Variants in SYNE1 observed in about 807,000 individuals in gnomAD.
SYNE1 encodes spectrin repeat containing nuclear envelope protein 1, also known as nesprin-1.
SYNE1 carries 616 observed loss-of-function variants against 1,111.0 expected under a neutral mutation model. That is an observed-to-expected ratio of 0.55 (90% CI 0.52 to 0.59). The LOEUF (loss-of-function observed/expected upper bound fraction) is 0.59. Among genes scored for constraint, SYNE1 ranks in the 20% least tolerant of loss-of-function variants. SYNE1 has a pLI of 0.00. For synonymous variants in SYNE1, 3,855 were observed against 3,825.8 expected, an observed-to-expected ratio of 1.01 and a Z score of -0.28; for missense variants, 10,006 against 10,417.0, an observed-to-expected ratio of 0.96 and a Z score of 1.72.
chr6:152,158,961 T>C (rs2061887604), intron 131 of SYNE1, among the ~76,000 whole-genome samples: 1 of 152,244 alleles, frequency 6.6e-6, no homozygotes, highest in Non-Finnish European at 1.5e-5. Context: ...CAACTTTTTT[T>C]CTTTTTTTTG....
At position 152,243,270 on chromosome 6, in the gene SYNE1, A is replaced by T. The variant is rs2086228933; in HGVS notation, c.19693-830T>A. On this transcript the variant is annotated intron_variant, in intron 106 of 145. Transcript: ENST00000367255. Reference sequence around the variant, plus strand: ...TATCCTTAACATTTTCCTGCTAAATAACAATCATATTTGGGACTACCCCTC... The same window carrying T: ...TATCCTTAACATTTTCCTGCTAAATTACAATCATATTTGGGACTACCCCTC... Among the ~76,000 whole-genome samples, 2 of 152,242 alleles carry T rather than the reference A, an allele frequency of 1.3e-5. 1 individual carries two copies. The highest frequency in any genetic ancestry group is 4.1e-4 in the South Asian group (2 of 4,834).
At position 152,301,869 on chromosome 6, in the gene SYNE1, C is replaced by G; in HGVS notation, c.17541G>C (p.Met5847Ile). Reference sequence around the variant, plus strand: ...CCGCGGGGACCCACTGGATCCTTACCATGACCACAGAGGGGTGGGCCGAAG... The same window carrying G: ...CCGCGGGGACCCACTGGATCCTTACGATGACCACAGAGGGGTGGGCCGAAG... The part of the protein sequence containing the change: ...PTPSAHPSVV[M>I]MTAGRCHTLL... The change falls in exon 92 of 146, where the codon ATG (methionine) becomes ATC (isoleucine). Residue 5847 changes from methionine to isoleucine, a missense_variant and splice_region_variant. This residue lies in a region of SYNE1 where 4,955 missense variants were observed against 5,017.2 expected (regional missense o/e 0.99). Coordinates refer to ENST00000367255, the MANE Select transcript of SYNE1 (RefSeq NM_182961.4). 1 of 1,610,512 alleles carries G rather than the reference C, an allele frequency of 6.2e-7. No homozygotes were observed. The highest frequency in any genetic ancestry group is 8.5e-7 in the Non-Finnish European group (1 of 1,177,370).
chr6:152,311,426 T>G (rs193191248), intron 87 of SYNE1, among the ~76,000 whole-genome samples: 1 of 152,316 alleles, frequency 6.6e-6, no homozygotes, highest in East Asian at 1.9e-4. Context: ...AAAACATCCC[T>G]GATCATTCAG....
chr6:152,437,691 C>T (rs1227408852), intron 32 of SYNE1, among the ~76,000 whole-genome samples: 1 of 152,022 alleles, frequency 6.6e-6, no homozygotes, highest in Non-Finnish European at 1.5e-5. Context: ...CAGTAATAAC[C>T]TAAGTGAAGA....
chr6:152,613,166 A>G (rs554710048), intron 3 of SYNE1, among the ~76,000 whole-genome samples: 5 of 152,348 alleles, frequency 3.3e-5, no homozygotes, highest in Non-Finnish European at 7.3e-5. Context: ...CTGAAGAGAA[A>G]GAAACAAAGG....
intron 32 of SYNE1, among the ~76,000 whole-genome samples, chr6:152,437,411 T>C (rs954608444): frequency 1.3e-5 from 2 of 152,192 alleles, no homozygotes; most frequent in Non-Finnish European, 2.9e-5. Context: ...AGGTTACTGT[T>C]AGCATTCTAT....
At chr6:152,394,648 C>T (rs987879553) in intron 51 of SYNE1, among the ~76,000 whole-genome samples, 5 of 151,586 alleles carry the variant, frequency 3.3e-5, no homozygotes, top group African/African-American at 1.2e-4. Context: ...ACAGGGACCA[C>T]AAAGAAAGTC....
intron 22 of SYNE1, among the ~76,000 whole-genome samples, chr6:152,457,918 G>A (rs1266058027): frequency 6.6e-6 from 1 of 150,386 alleles, no homozygotes; most frequent in Non-Finnish European, 1.5e-5. Context: ...TATTATATCT[G>A]TATATATAAT....
intron 3 of SYNE1, among the ~76,000 whole-genome samples, chr6:152,552,008 G>A (rs2099348651): frequency 6.6e-6 from 1 of 152,188 alleles, no homozygotes; most frequent in African/African-American, 2.4e-5. Flanking sequence ...GCACCAGAAA[G>A]AAAGGGAGTC....
intron 107 of SYNE1, among the ~76,000 whole-genome samples, chr6:152,241,503 T>TGA (rs1161520693): frequency 8.6e-6 from 1 of 116,154 alleles, no homozygotes; most frequent in African/African-American, 3.3e-5. Context: ...GCAAGAGCTG[T>TGA]GTGTGTGTGT....
chr6:152,295,971 G>T (rs561375794), intron 93 of SYNE1, among the ~76,000 whole-genome samples: 1 of 152,242 alleles, frequency 6.6e-6, no homozygotes, highest in Admixed American at 6.5e-5. Context: ...ATCGTCACAC[G>T]TGAATGCACT....
Position 152,490,729 on chromosome 6 carries a change from A to G in SYNE1, c.940-2226T>C, listed in dbSNP as rs561828105. Among the ~76,000 whole-genome samples the G allele has an allele frequency of 2.3e-3, 353 of 152,184 alleles. 2 individuals are homozygous for G. The highest frequency in any genetic ancestry group is 8.2e-3 in the African/African-American group (340 of 41,486). On this transcript the variant is annotated intron_variant, in intron 11 of 145. Transcript: ENST00000367255. ...AAAGCCTGTTTGTTGGGCTCTTCACACGGACACACGTGACATTTGGTGCTG... is the reference window on the plus strand; with the variant it reads ...AAAGCCTGTTTGTTGGGCTCTTCACGCGGACACACGTGACATTTGGTGCTG...
At chr6:152,503,464 T>C (rs2099041108) in intron 9 of SYNE1, among the ~76,000 whole-genome samples, 1 of 152,182 alleles carries the variant, frequency 6.6e-6, no homozygotes, top group Non-Finnish European at 1.5e-5. Flanking sequence ...TTCATACAGA[T>C]TTAGTAATTA....
chr6:152,184,555 T>G (rs186265570), intron 128 of SYNE1, among the ~76,000 whole-genome samples: 11 of 152,214 alleles, frequency 7.2e-5, no homozygotes, highest in Non-Finnish European at 1.3e-4. Flanking sequence ...GGGCATCACT[T>G]AAGTTTTAAA....
At chr6:152,625,327 C>G (rs1409083330) in intron 3 of SYNE1, among the ~76,000 whole-genome samples, 3 of 152,184 alleles carry the variant, frequency 2.0e-5, no homozygotes, top group Admixed American at 6.5e-5. Context: ...ACAGTGACAA[C>G]TGAGAGCAAG....
chr6:152,319,124 G>C, intron 84 of SYNE1, 109 bp from the exon 85 acceptor site: 1 of 1,452,156 alleles, frequency 6.9e-7, no homozygotes, highest in African/African-American at 1.4e-5. Flanking sequence ...CTTTGGCATT[G>C]AAACACCTGG....
Position 152,351,058 on chromosome 6 carries a change from C to T in SYNE1, c.11581-288G>A, listed in dbSNP as rs529672690. The stretch of plus-strand genomic sequence containing the variant: ...ATATAGTTTATATTTCTGGCTTCTA[C>T]CTTATTCCTTTCATCAGAGAAAAAA... On this transcript the variant is annotated intron_variant, in intron 70 of 145. Coordinates refer to ENST00000367255, the MANE Select transcript of SYNE1 (RefSeq NM_182961.4). 3.9e-5 allele frequency among the ~76,000 whole-genome samples: 6 copies of T among 152,268 alleles called. No homozygotes were observed. In the South Asian group the frequency reaches 1.2e-3, roughly 32 times the overall value.
At chr6:152,311,144 C>T in intron 87 of SYNE1, 1 of 490,746 alleles carries the variant, frequency 2.0e-6, no homozygotes, top group Non-Finnish European at 3.7e-6. Context: ...TCGGTCAAGC[C>T]CAAGCTGCCC....
intron 3 of SYNE1, among the ~76,000 whole-genome samples, chr6:152,568,464 G>A (rs780744135): frequency 1.7e-4 from 26 of 151,486 alleles, no homozygotes; most frequent in African/African-American, 2.4e-4. Flanking sequence ...CACCACACTC[G>A]GCTAATTTTT....
Sources: gnomAD v4.1 joint callset for allele counts (sites outside exome capture counted in the v4.1 genomes callset) on GRCh38, gnomAD v4.1.1 for gene constraint, gnomAD v4.1.1 regional missense constraint, MANE v1.5 for transcripts, NCBI Gene and HGNC (gene_info 2026-07-23, HGNC 2026-07-21) for gene names.